Variants in MYO15A observed in about 807,000 individuals in gnomAD.
MYO15A encodes unconventional myosin-XV.
Under a neutral mutation model 394.6 loss-of-function variants are expected in MYO15A, and 308 were observed. That is an observed-to-expected ratio of 0.78 (90% confidence interval 0.71 to 0.86). MYO15A has a LOEUF of 0.86. Among genes scored for constraint, MYO15A ranks in the 40% least tolerant of loss-of-function variants. The pLI is 0.00. For synonymous variants in MYO15A, 1,957 were observed against 2,003.8 expected, an observed-to-expected ratio of 0.98 and a Z score of 0.62; for missense variants, 4,606 against 4,799.1, an observed-to-expected ratio of 0.96 and a Z score of 1.19.
chr17:18,135,938 C>G (rs1248057448), intron 13 of MYO15A, 114 bp downstream of exon 13: 1 of 974,796 alleles, frequency 1.0e-6, no homozygotes, highest in Non-Finnish European at 1.6e-6. Flanking sequence ...CTCTCTGTCC[C>G]TGGGTCAGGC....
Position 18,122,183 on chromosome 17 carries a change from A to G in MYO15A, c.3383A>G (p.Gln1128Arg). ...MPRVQKLSSF[Q>R]RVGPATLKPQ... The stretch of plus-strand genomic sequence containing the variant: ...CGTGTGCAGAAGCTGAGCTCTTTCC[A>G]GCGAGTTGGGCCTGCAACCCTGAAG... The change falls in exon 2 of 66, where the codon CAG becomes CGG. Residue 1128 changes from glutamine to arginine, a missense_variant. By Grantham distance (43) the Gln-to-Arg change is conservative. Coordinates refer to ENST00000647165, the MANE Select transcript of MYO15A (RefSeq NM_016239.4). 1 of 1,613,112 alleles carries G rather than the reference A, an allele frequency of 6.2e-7. No homozygotes were observed. The highest frequency in any genetic ancestry group is 8.5e-7 in the Non-Finnish European group (1 of 1,180,008).
rs1382670820 is a variant in MYO15A at position 18,132,374 on chromosome 17, A to G, written c.4207-79A>G. ...ACTGTGTGCATGTGCACTTGTGGGC[A>G]GGCTTGGGCTTGTATGTGTGCCTGG... On this transcript the variant is annotated intron_variant, in intron 10 of 65. Coordinates refer to ENST00000647165, the MANE Select transcript of MYO15A (RefSeq NM_016239.4). The surrounding 1 kb of genome is among the most constrained non-coding windows in gnomAD (Gnocchi z 4.6). 1.8e-6 allele frequency: 2 copies of G among 1,111,186 alleles called. No homozygotes were observed. Among genetic ancestry groups the G allele is most frequent in the African/African-American group, 3.1e-5 (2 of 65,266 alleles). The allele number at this position is 1,111,186 out of a possible 1,614,324, so 68.8% of individuals were successfully genotyped here.
Position 18,150,445 on chromosome 17 carries a change from C to T in MYO15A, c.7229C>T (p.Thr2410Ile). The part of the protein sequence containing the change: ...SYGDADLEKP[T>I]AIAYRMKGGG... ...TGCCCCCAGGACCTGGAGAAGCCAACAGCCATTGCCTACCGCATGAAAGGG... is the reference window on the plus strand; with the variant it reads ...TGCCCCCAGGACCTGGAGAAGCCAATAGCCATTGCCTACCGCATGAAAGGG... Residue 2410 changes from threonine to isoleucine, a missense_variant, in exon 36 of 66, where the codon ACA becomes ATA. Around this residue, in one of 2 missense-constraint regions of MYO15A, gnomAD observed 2,776 missense variants for 3,109.3 expected, o/e 0.89. Transcript: ENST00000647165. The surrounding 1 kb of genome is among the most constrained non-coding windows in gnomAD (Gnocchi z 4.4). 6.2e-7 allele frequency: 1 copy of T among 1,614,118 alleles called. No homozygotes were observed. The highest frequency in any genetic ancestry group is 1.1e-5 in the South Asian group (1 of 91,082).
rs990684691 is a variant in MYO15A, at chr17:18,120,172, T to C, written c.1372T>C (p.Phe458Leu). The change falls in exon 2 of 66, where the codon TTC becomes CTC. Residue 458 changes from phenylalanine to leucine, a missense_variant. Around this residue, in one of 2 missense-constraint regions of MYO15A, gnomAD observed 1,830 missense variants for 1,689.7 expected, o/e 1.08. Coordinates refer to ENST00000647165, the MANE Select transcript of MYO15A (RefSeq NM_016239.4). ...TSFRLPSAAF[F>L]EQQGMDKPAR... ...CTTCCGCCTGCCCAGCGCCGCCTTC[T>C]TCGAGCAGCAAGGCATGGATAAGCC... The C allele has an allele frequency of 1.9e-6, 3 of 1,612,910 alleles. No individual in the cohort carries two copies. The highest frequency in any genetic ancestry group is 2.7e-5 in the African/African-American group (2 of 75,062).
rs889082788 is a variant in MYO15A at position 18,147,375 on chromosome 17, G to T, written c.6510-654G>T. Among the ~76,000 whole-genome samples, 12 of 152,142 alleles carry T rather than the reference G, an allele frequency of 7.9e-5. No individual in the cohort carries two copies. The highest frequency in any genetic ancestry group is 2.9e-4 in the African/African-American group (12 of 41,410). ...TGGTCTGCCTGCCTGGGGCTTTCCT[G>T]AGGGCATGGTGCTAGGTTCCCTCTC... On this transcript the variant is annotated intron_variant, in intron 30 of 65. Coordinates refer to ENST00000647165, the MANE Select transcript of MYO15A (RefSeq NM_016239.4). The surrounding 1 kb of genome is among the most constrained non-coding windows in gnomAD (Gnocchi z 4.4).
chr17:18,161,988 G>A (rs2046783811), intron 57 of MYO15A, among the ~76,000 whole-genome samples: 4 of 152,122 alleles, frequency 2.6e-5, no homozygotes, highest in Admixed American at 2.6e-4. Flanking sequence ...TGGCAGCCGT[G>A]GAGGAGATAG....
At chr17:18,165,038 G>A (rs2046833359) in intron 60 of MYO15A, 1 of 150,026 alleles carries the variant, frequency 6.7e-6, no homozygotes, top group Non-Finnish European at 1.5e-5. Context: ...GGTGAGGCAG[G>A]AGGTTGCAGT....
At position 18,118,948 on chromosome 17, in the gene MYO15A, A is replaced by AT. The variant is rs776139570; in HGVS notation, c.148_149insT (p.Lys50IlefsTer178). 1 of 1,613,534 alleles carries AT rather than the reference A, an allele frequency of 6.2e-7. No individual in the cohort carries two copies. The highest frequency in any genetic ancestry group is 2.2e-5 in the East Asian group (1 of 44,858). Reference sequence around the variant, plus strand: ...CGACCGTACACCCAAGATCTCCAAGAAGGGCCAGTTCCGCAGCGCCTCGGC... The same window carrying AT: ...CGACCGTACACCCAAGATCTCCAAGATAGGGCCAGTTCCGCAGCGCCTCGGC... On this transcript the variant is annotated frameshift_variant, in exon 2 of 66. Transcript: ENST00000647165. LOFTEE classifies it high-confidence loss of function.
rs1014655310 is a variant in MYO15A, at chr17:18,148,411, G to A, written c.6692-85G>A. ...GGAAGTGAGGCTACAGATACAGGAA[G>A]CCTGAAAGGAAGAAGCAAGCAGGGA... On this transcript the variant is annotated intron_variant, in intron 31 of 65. Transcript: ENST00000647165. This position sits in a 1 kb window ranked among gnomAD's most constrained non-coding sequence, Gnocchi z 4.8. 3.5e-5 allele frequency: 53 copies of A among 1,511,468 alleles called. No individual in the cohort carries two copies. The highest frequency in any genetic ancestry group is 4.7e-5 in the Non-Finnish European group (52 of 1,113,416). 93.6% of individuals were successfully genotyped at this position (1,511,468 alleles called of 1,614,324 possible).
intron 47 of MYO15A, 76 bp from the exon 48 acceptor site, chr17:18,156,119 G>A: frequency 6.2e-7 from 1 of 1,609,200 alleles, no homozygotes; most frequent in Non-Finnish European, 8.5e-7. Flanking sequence ...GGGCAGGACA[G>A]GATCAGAAGC....
chr17:18,125,027 A>G, intron 3 of MYO15A, 141 bp from the exon 4 acceptor site: 1 of 810,300 alleles, frequency 1.2e-6, no homozygotes, highest in Non-Finnish European at 2.2e-6. Context: ...TAATTTGTCC[A>G]AGGTCTCCTA....
Position 18,120,777 on chromosome 17 carries a change from G to T in MYO15A, c.1977G>T (p.Ala659=). 1 of 1,421,270 alleles carries T rather than the reference G, an allele frequency of 7.0e-7. No individual in the cohort carries two copies. The highest frequency in any genetic ancestry group is 9.1e-7 in the Non-Finnish European group (1 of 1,096,718). 88.0% of individuals were successfully genotyped at this position (1,421,270 alleles called of 1,614,324 possible). A position where few individuals can be genotyped will look rare whatever the true frequency, so the allele number is the denominator to read the frequency against. Residue 659 remains alanine, a synonymous_variant, in exon 2 of 66, where the codon GCG becomes GCT. Transcript: ENST00000647165. ...PAPRTLSHWS[A]LLSPPVPPRP... is the part of the protein sequence containing the mutation. ...CCAGGACCCTCTCCCACTGGAGCGC[G>T]CTCCTGTCTCCGCCCGTGCCCCCGC... is the stretch of plus-strand genomic sequence containing the variant.
chr17:18,112,943 G>C (rs1427993048), intron 1 of MYO15A, among the ~76,000 whole-genome samples: 2 of 151,604 alleles, frequency 1.3e-5, no homozygotes, highest in Non-Finnish European at 1.5e-5. Context: ...TGCCTCCCGG[G>C]TTCAAGAAAT....
chr17:18,163,171 C>T, intron 58 of MYO15A, 73 bp from the exon 59 acceptor site: 1 of 1,515,310 alleles, frequency 6.6e-7, no homozygotes, highest in Non-Finnish European at 9.2e-7. Flanking sequence ...TGGGAACTCC[C>T]AGGGCAGGAG....
At chr17:18,128,846 A>G (rs712269) in intron 7 of MYO15A, among the ~76,000 whole-genome samples, 71,735 of 151,786 alleles carry the variant, frequency 0.47, 18,103 homozygotes, top group Non-Finnish European at 0.57. Context: ...GTCAGGGAGG[A>G]CGGATGGAGC....
chr17:18,150,012 G>C lies in MYO15A; in HGVS notation c.7213-417G>C. 2 of 306,120 alleles carry C rather than the reference G, an allele frequency of 6.5e-6. No individual in the cohort carries two copies. Among genetic ancestry groups the C allele is most frequent in the Non-Finnish European group, 1.2e-5 (2 of 162,638 alleles). 19.0% of individuals were successfully genotyped at this position (306,120 alleles called of 1,614,324 possible). A position where few individuals can be genotyped will look rare whatever the true frequency, so the allele number is the denominator to read the frequency against. ...CACCTTTGGTGGCAGCCAGCCCCCC[G>C]GGGCCACTAAAATATCTCTATCTGG... On this transcript the variant is annotated intron_variant, in intron 35 of 65. Transcript: ENST00000647165. The surrounding 1 kb of genome is among the most constrained non-coding windows in gnomAD (Gnocchi z 4.4).
chr17:18,135,582 C>A, intron 12 of MYO15A, 129 bp from the exon 13 acceptor site: 1 of 812,208 alleles, frequency 1.2e-6, no homozygotes, highest in Non-Finnish European at 2.0e-6. Context: ...CTCAGGTGAT[C>A]CACCCGCCTC....
intron 7 of MYO15A, among the ~76,000 whole-genome samples, chr17:18,127,860 T>C (rs751413200): frequency 0.011 from 1,580 of 147,068 alleles, 16 homozygotes; most frequent in Non-Finnish European, 0.017. Flanking sequence ...TATATATATA[T>C]ACACTTATAT....
intron 53 of MYO15A, 126 bp downstream of exon 53, chr17:18,159,123 TC>T: frequency 7.2e-7 from 1 of 1,384,782 alleles, no homozygotes. Flanking sequence ...CCTGATTCCC[TC>T]CCAAGGACAG....
Sources: allele counts gnomAD v4.1 joint callset (sites outside exome capture counted in the v4.1 genomes callset), GRCh38; gene constraint gnomAD v4.1.1; regional missense constraint gnomAD v4.1.1; non-coding constraint Gnocchi (gnomAD v3.1); transcripts MANE v1.5; gene names NCBI Gene and HGNC (gene_info 2026-07-23, HGNC 2026-07-21).